ZNF8: variants seen among roughly 807,000 people sequenced by gnomAD.
ZNF8 encodes the protein zinc finger protein 8, also known as zinc finger protein 272.
Under a neutral mutation model 12.2 loss-of-function variants are expected in ZNF8, and 9 were observed. That is an observed-to-expected ratio of 0.73 (90% CI 0.44 to 1.28). The LOEUF is 1.28. Ranked by LOEUF, ZNF8 falls within the 50% of genes most tolerant of loss-of-function variation. The pLI, the probability that ZNF8 is intolerant of heterozygous loss-of-function variation, is 0.00. For missense variants in ZNF8, 664 were observed against 729.1 expected (o/e 0.91, Z 1.03); for synonymous variants, 274 against 282.3 (o/e 0.97, Z 0.30).
chr19:58,279,318 AG>A, intron 1 of ZNF8, 171 bp downstream of exon 1: 2 of 1,491,332 alleles, frequency 1.3e-6, no homozygotes, highest in African/African-American at 1.4e-5. Context: ...CTGGTCAGAG[AG>A]GGGGCCGGGA....
intron 1 of ZNF8, chr19:58,280,147 C>G: frequency 3.2e-6 from 1 of 312,544 alleles, no homozygotes; most frequent in Non-Finnish European, 6.2e-6. Flanking sequence ...ATAAATATCT[C>G]ACGAGTTCTG....
rs80298408 is a variant in ZNF8, at chr19:58,295,909, C to A, written c.*373C>A. 4,640 of 190,016 alleles carry A rather than the reference C, an allele frequency of 0.024. 80 individuals carry two copies. Among genetic ancestry groups the A allele is most frequent in the Middle Eastern group, 0.072 (30 of 414 alleles). 11.8% of individuals were successfully genotyped at this position (190,016 alleles called of 1,614,324 possible). ...CGTGTACTGACTTGGTGCAGTATTT[C>A]TCCTTGTCACTGTGGGCCCAATTTT... On this transcript the variant is annotated 3_prime_UTR_variant, in exon 4 of 4. Transcript: ENST00000621650.
intron 3 of ZNF8, among the ~76,000 whole-genome samples, chr19:58,289,999 T>C (rs540210342): frequency 1.4e-3 from 215 of 152,142 alleles, no homozygotes; most frequent in Middle Eastern, 6.8e-3. Context: ...GATTTCACCA[T>C]GTTGGCCAGG....
chr19:58,288,357 G>A (rs1268975523), intron 3 of ZNF8, among the ~76,000 whole-genome samples: 1 of 152,172 alleles, frequency 6.6e-6, no homozygotes, highest in Non-Finnish European at 1.5e-5. Flanking sequence ...ATTGTTCTGT[G>A]ATTTTCCCAG....
In ZNF8 at chr19:58,300,346, G is replaced by A. The variant is rs1381614039; in HGVS notation, c.*4810G>A. On this transcript the variant is annotated 3_prime_UTR_variant, in exon 4 of 4. Coordinates refer to ENST00000621650, the MANE Select transcript of ZNF8 (RefSeq NM_021089.3). ...CTCAACCTTTCCATTGTGGTCATGA[G>A]GAGACTCCTATGGCTCCAGCCATTG... The A allele has an allele frequency of 1.3e-5, 2 of 152,226 alleles. No individual in the cohort carries two copies. The highest frequency in any genetic ancestry group is 6.5e-5 in the Admixed American group (1 of 15,284). 9.4% of individuals were successfully genotyped at this position (152,226 alleles called of 1,614,324 possible).
chr19:58,287,337 C>CTTTTTTT (rs35511685), intron 3 of ZNF8, among the ~76,000 whole-genome samples: 3 of 117,800 alleles, frequency 2.5e-5, no homozygotes, highest in Admixed American at 9.7e-5. Flanking sequence ...CCATGCCCAG[C>CTTTTTTT]TTTTTTTTTT....
chr19:58,292,590 C>T (rs910370220), intron 3 of ZNF8, among the ~76,000 whole-genome samples: 2 of 152,216 alleles, frequency 1.3e-5, no homozygotes, highest in Non-Finnish European at 2.9e-5. Flanking sequence ...CTCCGTCTTT[C>T]CCATCCCCTG....
intron 3 of ZNF8, 185 bp downstream of exon 3, chr19:58,286,390 G>A (rs916209254): frequency 1.9e-5 from 10 of 530,760 alleles, no homozygotes; most frequent in Admixed American, 6.4e-5. Context: ...GGGGAAAGGC[G>A]CGTGGGGATA....
chr19:58,285,939 C>A lies in ZNF8; in HGVS notation c.193+96C>A, dbSNP rs2051380406. 2.9e-5 allele frequency: 43 copies of A among 1,505,896 alleles called. No homozygotes were observed. The South Asian group carries it at 5.5e-4, about 19-fold the overall frequency. The allele number at this position is 1,505,896 out of a possible 1,614,324, so 93.3% of individuals were successfully genotyped here. ...GGACCTGACCTTGGGTCCTCACTCCCTATGGGGAGTGCATGAAGAGGGAGG... is the reference window on the plus strand; with the variant it reads ...GGACCTGACCTTGGGTCCTCACTCCATATGGGGAGTGCATGAAGAGGGAGG... On this transcript the variant is annotated intron_variant, in intron 2 of 3. Coordinates refer to ENST00000621650, the MANE Select transcript of ZNF8 (RefSeq NM_021089.3).
intron 3 of ZNF8, among the ~76,000 whole-genome samples, chr19:58,290,627 G>A (rs1410120891): frequency 6.6e-6 from 1 of 152,152 alleles, no homozygotes; most frequent in African/African-American, 2.4e-5. Context: ...TGGCATGGTG[G>A]TGTGTTCTTG....
intron 3 of ZNF8, among the ~76,000 whole-genome samples, chr19:58,288,074 G>T (rs2051395881): frequency 6.7e-6 from 1 of 149,268 alleles, no homozygotes; most frequent in East Asian, 2.0e-4. Flanking sequence ...TGCCCAGGCT[G>T]GTCTCAAACT....
rs1424405938 is a variant in ZNF8 at position 58,297,010 on chromosome 19, T to C, written c.*1474T>C. On this transcript the variant is annotated 3_prime_UTR_variant, in exon 4 of 4. Transcript: ENST00000621650. ...ACTGTGGGAGGCTGAGGAGGGCGGA[T>C]CCTTTGAGGTCAGGAGTTTGAGACT... The C allele has an allele frequency of 1.3e-5, 2 of 152,076 alleles. No individual in the cohort carries two copies. The highest frequency in any genetic ancestry group is 6.6e-5 in the Admixed American group (1 of 15,264). The allele number at this position is 152,076 out of a possible 1,614,324, so 9.4% of individuals were successfully genotyped here.
Position 58,279,107 on chromosome 19 carries a change from C to T in ZNF8, c.26C>T (p.Ala9Val), listed in dbSNP as rs2147951519. 2 of 1,521,750 alleles carry T rather than the reference C, an allele frequency of 1.3e-6. No homozygotes were observed. The highest frequency in any genetic ancestry group is 8.9e-7 in the Non-Finnish European group (1 of 1,128,468). The allele number at this position is 1,521,750 out of a possible 1,614,324, so 94.3% of individuals were successfully genotyped here. A position where few individuals can be genotyped will look rare whatever the true frequency, so the allele number is the denominator to read the frequency against. The change falls in exon 1 of 4, where the codon GCG becomes GTG. Residue 9 changes from alanine (A) to valine (V), a missense_variant. Physicochemically the swap from Ala to Val is moderately conservative, Grantham distance 64. Around this residue, in one of 3 missense-constraint regions of ZNF8, gnomAD observed 306 missense variants for 308.7 expected, o/e 0.99. Coordinates refer to ENST00000621650, the MANE Select transcript of ZNF8 (RefSeq NM_021089.3). MDPEDEGV[A>V]GVMSVGPPAA... The stretch of plus-strand genomic sequence containing the variant: ...ATGGACCCCGAGGACGAAGGGGTAG[C>T]GGGAGTGATGTCTGTGGGGCCGCCG...
In ZNF8 at chr19:58,279,652, T is replaced by A. The variant is rs545419080; in HGVS notation, c.66+505T>A. On this transcript the variant is annotated intron_variant, in intron 1 of 3. Transcript: ENST00000621650. ...GGGCACAACCTCTTGGGGGCAATGA[T>A]GGGTCACCACGCACTGAGTGTGATG... 1.1e-3 allele frequency: 1,667 copies of A among 1,533,734 alleles called. 2 individuals carry two copies. The highest frequency in any genetic ancestry group is 1.3e-3 in the Non-Finnish European group (1,475 of 1,146,266).
At position 58,295,619 on chromosome 19, in the gene ZNF8, G is replaced by A. The variant is rs1005180894; in HGVS notation, c.*83G>A. 7 of 1,206,656 alleles carry A rather than the reference G, an allele frequency of 5.8e-6. No homozygotes were observed. The highest frequency in any genetic ancestry group is 8.1e-6 in the Non-Finnish European group (7 of 862,204). The allele number at this position is 1,206,656 out of a possible 1,614,324, so 74.7% of individuals were successfully genotyped here. Reference sequence around the variant, plus strand: ...AGTGTACTCATGGAAGGAGGGGCTGGGGGTAGAAATGTCATGGGTGACTTC... The same window carrying A: ...AGTGTACTCATGGAAGGAGGGGCTGAGGGTAGAAATGTCATGGGTGACTTC... On this transcript the variant is annotated 3_prime_UTR_variant, in exon 4 of 4. Coordinates refer to ENST00000621650, the MANE Select transcript of ZNF8 (RefSeq NM_021089.3).
chr19:58,301,435 C>T lies in ZNF8; in HGVS notation c.*5899C>T, dbSNP rs2051491075. 2.6e-5 allele frequency: 4 copies of T among 152,266 alleles called. No homozygotes were observed. Among genetic ancestry groups the T allele is most frequent in the Admixed American group, 1.3e-4 (2 of 15,272 alleles). The allele number at this position is 152,266 out of a possible 1,614,324, so 9.4% of individuals were successfully genotyped here. A position where few individuals can be genotyped will look rare whatever the true frequency, so the allele number is the denominator to read the frequency against. ...CCAAGTGGCCCAGCCAGAGTGTGAA[C>T]CAAACAGTCTGGTACCAAAACCCTA... On this transcript the variant is annotated 3_prime_UTR_variant, in exon 4 of 4. Transcript: ENST00000621650.
In ZNF8 at chr19:58,301,839, A is replaced by G. The variant is rs2051493162; in HGVS notation, c.*6303A>G. On this transcript the variant is annotated 3_prime_UTR_variant, in exon 4 of 4. Transcript: ENST00000621650. ...TTATCAGTCACTAAATTACAAATACATAAACCCTTTGTCTCACCAAACCTG... is the reference window on the plus strand; with the variant it reads ...TTATCAGTCACTAAATTACAAATACGTAAACCCTTTGTCTCACCAAACCTG... 6.6e-6 allele frequency: 1 copy of G among 152,214 alleles called. No homozygotes were observed. Among genetic ancestry groups the G allele is most frequent in the Non-Finnish European group, 1.5e-5 (1 of 68,038 alleles). The allele number at this position is 152,214 out of a possible 1,614,324, so 9.4% of individuals were successfully genotyped here.
chr19:58,284,045 A>C (rs375477624), intron 1 of ZNF8, among the ~76,000 whole-genome samples: 16 of 152,054 alleles, frequency 1.1e-4, no homozygotes, highest in East Asian at 5.8e-4. Flanking sequence ...CAACATGGAG[A>C]AACCCTGTCT....
At chr19:58,279,230 A>G (rs1472690479) in intron 1 of ZNF8, 83 bp downstream of exon 1, 5 of 1,536,046 alleles carry the variant, frequency 3.3e-6, no homozygotes, top group Non-Finnish European at 2.6e-6. Context: ...TCGCGGCGCG[A>G]TGAGAGCGGC....
Sources: gnomAD v4.1 joint callset for allele counts (sites outside exome capture counted in the v4.1 genomes callset) on GRCh38, gnomAD v4.1.1 for gene constraint, gnomAD v4.1.1 regional missense constraint, MANE v1.5 for transcripts, NCBI Gene and HGNC (gene_info 2026-07-23, HGNC 2026-07-21) for gene names.